Variants in PBX3 observed in about 807,000 individuals in gnomAD.
PBX3 encodes pre-B-cell leukemia transcription factor 3.
In PBX3, 14 loss-of-function variants were observed where a neutral mutation model predicts 48.5. That is an observed-to-expected ratio of 0.29 (90% CI 0.19 to 0.45). The LOEUF is 0.45. Ranked by LOEUF, PBX3 falls within the 20% of genes least tolerant of loss-of-function variation. The pLI is 1.00. For synonymous variants in PBX3, 210 were observed against 200.3 expected (o/e 1.05, Z -0.41); for missense variants, 386 against 546.7 (o/e 0.71, Z 2.93).
chr9:125,838,516 G>C (rs1000238696), intron 2 of PBX3, among the ~76,000 whole-genome samples: 1 of 152,174 alleles, frequency 6.6e-6, no homozygotes, highest in Non-Finnish European at 1.5e-5. Context: ...TATTTTGGTA[G>C]ACAAGAAGAT....
chr9:125,868,029 C>T (rs1840031359), intron 2 of PBX3, among the ~76,000 whole-genome samples: 1 of 152,108 alleles, frequency 6.6e-6, no homozygotes, highest in South Asian at 2.1e-4. Flanking sequence ...GTGTATGCCT[C>T]CACGCCTGGT....
chr9:125,759,968 A>G lies in PBX3; in HGVS notation c.274+11345A>G, dbSNP rs1269115833. On this transcript the variant is annotated intron_variant, in intron 2 of 8. Coordinates refer to ENST00000373489, the MANE Select transcript of PBX3 (RefSeq NM_006195.6). This position sits in a 1 kb window ranked among gnomAD's most constrained non-coding sequence, Gnocchi z 4.2. Reference sequence around the variant, plus strand: ...AATTGTGGGAGCACTGCTGTTGTCAAGTGCCGCTGAGCAGCTCTGCTCCAT... The same window carrying G: ...AATTGTGGGAGCACTGCTGTTGTCAGGTGCCGCTGAGCAGCTCTGCTCCAT... Among the ~76,000 whole-genome samples the G allele has an allele frequency of 1.3e-5, 2 of 152,224 alleles. No homozygotes were observed. The highest frequency in any genetic ancestry group is 2.9e-5 in the Non-Finnish European group (2 of 68,032).
chr9:125,857,947 G>A (rs1432626633), intron 2 of PBX3, among the ~76,000 whole-genome samples: 1 of 152,204 alleles, frequency 6.6e-6, no homozygotes, highest in East Asian at 1.9e-4. Context: ...TTAAAAAGAT[G>A]TAGTCAATTG....
At chr9:125,843,829 G>A (rs774310877) in intron 2 of PBX3, 10 of 455,748 alleles carry the variant, frequency 2.2e-5, no homozygotes, top group South Asian at 4.6e-5. Context: ...AATTACAAGC[G>A]AAAGTGCAGG....
intron 2 of PBX3, among the ~76,000 whole-genome samples, chr9:125,905,635 T>G (rs1273005099): frequency 6.6e-6 from 1 of 152,016 alleles, no homozygotes; most frequent in East Asian, 1.9e-4. Flanking sequence ...ATGCTTTTAT[T>G]TATTCATCAC....
chr9:125,842,951 T>C lies in PBX3; in HGVS notation c.275-72735T>C, dbSNP rs1839326175. ...TTCTTTACAAAATTAAGCTCTTTTA[T>C]TTTTATGTCAGTTCTAGCTTTGTAC... On this transcript the variant is annotated intron_variant, in intron 2 of 8. Transcript: ENST00000373489. 2.0e-5 allele frequency among the ~76,000 whole-genome samples: 3 copies of C among 152,162 alleles called. No homozygotes were observed. In the South Asian group the frequency reaches 6.2e-4, roughly 32 times the overall value.
At chr9:125,800,842 C>T (rs576623562) in intron 2 of PBX3, among the ~76,000 whole-genome samples, 1 of 151,356 alleles carries the variant, frequency 6.6e-6, no homozygotes, top group African/African-American at 2.4e-5. Context: ...AAACCTCTAC[C>T]TCCAGGTTCA....
chr9:125,774,586 T>A (rs1391291764), intron 2 of PBX3, among the ~76,000 whole-genome samples: 1 of 152,234 alleles, frequency 6.6e-6, no homozygotes, highest in East Asian at 1.9e-4. Flanking sequence ...TCATTTTTTT[T>A]AATGGCTGAG....
intron 3 of PBX3, among the ~76,000 whole-genome samples, chr9:125,929,453 A>G (rs1841665089): frequency 6.6e-6 from 1 of 152,326 alleles, no homozygotes; most frequent in East Asian, 1.9e-4. Context: ...GTCTCCTTGC[A>G]CGTCTGACCA....
intron 5 of PBX3, among the ~76,000 whole-genome samples, chr9:125,942,332 G>A (rs117380389): frequency 0.021 from 3,175 of 152,246 alleles, 56 homozygotes; most frequent in Non-Finnish European, 0.032. Flanking sequence ...ACGGACCTTG[G>A]ATAATATCAC....
rs187242436 is a variant in PBX3, at chr9:125,879,553, A to G, written c.275-36133A>G. 3.6e-3 allele frequency among the ~76,000 whole-genome samples: 554 copies of G among 152,340 alleles called. 4 individuals carry two copies. Among genetic ancestry groups the G allele is most frequent in the African/African-American group, 0.012 (492 of 41,582 alleles). On this transcript the variant is annotated intron_variant, in intron 2 of 8. Coordinates refer to ENST00000373489, the MANE Select transcript of PBX3 (RefSeq NM_006195.6). ...GAAAGTACTAAAAGAAGTTAGAATCATAAAACAGAAATATAGGGCTGACTT... is the reference window on the plus strand; with the variant it reads ...GAAAGTACTAAAAGAAGTTAGAATCGTAAAACAGAAATATAGGGCTGACTT...
chr9:125,916,818 T>C (rs1395669496), intron 3 of PBX3, among the ~76,000 whole-genome samples: 3 of 152,220 alleles, frequency 2.0e-5, no homozygotes, highest in Admixed American at 6.5e-5. Context: ...TGATAAGATT[T>C]GTCATTTGGA....
At chr9:125,859,810 C>T (rs1156700450) in intron 2 of PBX3, among the ~76,000 whole-genome samples, 3 of 152,168 alleles carry the variant, frequency 2.0e-5, no homozygotes, top group East Asian at 1.9e-4. Flanking sequence ...ATTTCTCTAT[C>T]GGTGTTTCCT....
intron 2 of PBX3, among the ~76,000 whole-genome samples, chr9:125,850,131 C>T (rs1268091580): frequency 6.6e-6 from 1 of 152,002 alleles, no homozygotes; most frequent in Non-Finnish European, 1.5e-5. Context: ...ATTAATGCTA[C>T]AGGAGGCAAC....
chr9:125,907,164 G>A (rs1841093747), intron 2 of PBX3, among the ~76,000 whole-genome samples: 1 of 151,916 alleles, frequency 6.6e-6, no homozygotes, highest in Non-Finnish European at 1.5e-5. Context: ...GAAGGAACCA[G>A]AAACTTAGGT....
intron 2 of PBX3, 26 bp from the exon 3 acceptor site, chr9:125,915,660 C>A: frequency 6.4e-7 from 1 of 1,565,658 alleles, no homozygotes; most frequent in Non-Finnish European, 8.7e-7. Context: ...TCTTCTCTCT[C>A]TGTCTCTCTC....
chr9:125,864,852 G>A (rs1839944322), intron 2 of PBX3, among the ~76,000 whole-genome samples: 1 of 152,230 alleles, frequency 6.6e-6, no homozygotes, highest in Non-Finnish European at 1.5e-5. Context: ...ATTGGGGACT[G>A]CTGTCCTAGA....
At chr9:125,900,399 A>AT (rs538040322) in intron 2 of PBX3, among the ~76,000 whole-genome samples, 92 of 151,628 alleles carry the variant, frequency 6.1e-4, no homozygotes, top group Non-Finnish European at 1.2e-3. Context: ...TCAGTGCTAC[A>AT]TTTGCATCTT....
intron 2 of PBX3, among the ~76,000 whole-genome samples, chr9:125,823,465 A>G (rs886706516): frequency 6.6e-6 from 1 of 152,170 alleles, no homozygotes; most frequent in Non-Finnish European, 1.5e-5. Context: ...AGATACAAAG[A>G]TAGTTTTTAA....
Sources: gnomAD v4.1 joint callset for allele counts (sites outside exome capture counted in the v4.1 genomes callset) on GRCh38, gnomAD v4.1.1 for gene constraint, Gnocchi (gnomAD v3.1) non-coding constraint, MANE v1.5 for transcripts, NCBI Gene and HGNC (gene_info 2026-07-23, HGNC 2026-07-21) for gene names.